DCAF8L2: variants seen among roughly 807,000 people sequenced by gnomAD.
DCAF8L2 encodes the protein DDB1- and CUL4-associated factor 8-like protein 2.
For synonymous variants in DCAF8L2, 200 were observed against 190.9 expected (o/e 1.05, Z -0.39); for missense variants, 430 against 490.7 (o/e 0.88, Z 1.17).
At chrX:27,681,806 A>G (rs190492555) in intron 3 of DCAF8L2, among the ~76,000 whole-genome samples, 64 of 112,182 alleles carry the variant, frequency 5.7e-4, no homozygotes, top group African/African-American at 1.8e-3. Flanking sequence ...ATGATTGCTC[A>G]GATACTACAT....
intron 2 of DCAF8L2, among the ~76,000 whole-genome samples, chrX:27,652,357 T>A (rs1477308769): frequency 9.0e-6 from 1 of 111,559 alleles, no homozygotes; most frequent in Non-Finnish European, 1.9e-5. Context: ...TTTGACCCTC[T>A]CAGCTTACAA....
chrX:27,469,810 C>T, the DCAF8L2 span, among the ~76,000 whole-genome samples: 1 of 106,805 alleles, frequency 9.4e-6, no homozygotes, highest in African/African-American at 3.4e-5. Flanking sequence ...AGTTTTCACT[C>T]GTTGCCCAGG....
the DCAF8L2 span, among the ~76,000 whole-genome samples, chrX:27,575,367 G>A: frequency 9.0e-6 from 1 of 111,391 alleles, no homozygotes; most frequent in African/African-American, 3.3e-5. Flanking sequence ...GGGTGTGGAG[G>A]GCCAGAGTTG....
intron 3 of DCAF8L2, among the ~76,000 whole-genome samples, chrX:27,684,146 G>A (rs1316847221): frequency 8.9e-6 from 1 of 112,053 alleles, no homozygotes; most frequent in African/African-American, 3.2e-5. Flanking sequence ...ATCCAAAGAA[G>A]ACAGTGCCAT....
chrX:27,591,014 T>TAA lies in DCAF8L2; in HGVS notation c.-342+576_-342+577dup, dbSNP rs1555916217. On this transcript the variant is annotated intron_variant, in intron 1 of 4. Coordinates refer to ENST00000451261, the MANE Select transcript of DCAF8L2 (RefSeq NM_001353450.2). ...TTTTATATATATATATATATATATA[T>TAA]AAATAAATAATTTGATAGGTTACAT... is the stretch of plus-strand genomic sequence containing the variant. Among the ~76,000 whole-genome samples, 123 of 96,787 alleles carry TAA rather than the reference T, an allele frequency of 1.3e-3. 1 individual carries two copies. The highest frequency in any genetic ancestry group is 5.1e-3 in the Middle Eastern group (1 of 197). 84.0% of individuals were successfully genotyped at this position (96,787 alleles called of 115,157 possible). A position where few individuals can be genotyped will look rare whatever the true frequency, so the allele number is the denominator to read the frequency against.
In DCAF8L2 at chrX:27,601,712, A is replaced by C. The variant is rs1476727655; in HGVS notation, c.-342+11272A>C. ...GAGACTCAGTCTCAAAAAAAAAAAA[A>C]AACAATTTGAGTCATTGTAAGACCC... is the stretch of plus-strand genomic sequence containing the variant. On this transcript the variant is annotated intron_variant, in intron 1 of 4. Transcript: ENST00000451261. Among the ~76,000 whole-genome samples the C allele has an allele frequency of 2.7e-5, 3 of 110,363 alleles. No individual in the cohort carries two copies. In the South Asian group the frequency reaches 1.2e-3, roughly 43 times the overall value.
chrX:27,485,239 T>C, the DCAF8L2 span, among the ~76,000 whole-genome samples: 13 of 112,091 alleles, frequency 1.2e-4, no homozygotes, highest in African/African-American at 3.6e-4. Context: ...ACTCTCGTGC[T>C]AATATTTGAG....
At chrX:27,594,247 GC>G (rs1926247867) in intron 1 of DCAF8L2, among the ~76,000 whole-genome samples, 1 of 111,253 alleles carries the variant, frequency 9.0e-6, no homozygotes, top group African/African-American at 3.3e-5. Context: ...TACAAAATTG[GC>G]ATAAAGGATA....
chrX:27,710,083 C>T (rs1361823756), intron 3 of DCAF8L2, among the ~76,000 whole-genome samples: 5 of 111,287 alleles, frequency 4.5e-5, no homozygotes, highest in Non-Finnish European at 9.4e-5. Context: ...GTTGTTCAAA[C>T]GTAGTTGAAG....
the DCAF8L2 span, among the ~76,000 whole-genome samples, chrX:27,512,403 G>C: frequency 9.9e-5 from 11 of 111,232 alleles, no homozygotes; most frequent in African/African-American, 3.6e-4. Context: ...TCGTTATCAA[G>C]ATACCAATGA....
At chrX:27,646,769 CA>C (rs761393936) in intron 2 of DCAF8L2, among the ~76,000 whole-genome samples, 4 of 110,043 alleles carry the variant, frequency 3.6e-5, no homozygotes, top group African/African-American at 6.6e-5. Context: ...GGCTACTTCT[CA>C]AAAAAAAGAC....
At chrX:27,528,618 CAAT>C in the DCAF8L2 span, among the ~76,000 whole-genome samples, 1 of 109,009 alleles carries the variant, frequency 9.2e-6, no homozygotes, top group African/African-American at 3.3e-5. Context: ...TATGTCTTAG[CAAT>C]AATAAGTTAG....
chrX:27,508,266 G>T, the DCAF8L2 span, among the ~76,000 whole-genome samples: 1 of 111,420 alleles, frequency 9.0e-6, no homozygotes, highest in African/African-American at 3.3e-5. Context: ...GGGAGAAGGA[G>T]CAGGGGCTTT....
the DCAF8L2 span, among the ~76,000 whole-genome samples, chrX:27,531,165 C>T: frequency 2.7e-5 from 3 of 111,849 alleles, no homozygotes; most frequent in African/African-American, 3.2e-5. Context: ...AAAGGAAAGA[C>T]GTTTAATTGG....
chrX:27,667,178 T>C (rs1929770172), intron 2 of DCAF8L2, among the ~76,000 whole-genome samples: 1 of 111,034 alleles, frequency 9.0e-6, no homozygotes, highest in Non-Finnish European at 1.9e-5. Flanking sequence ...AGGTAACCCA[T>C]AAAAAATGTT....
At chrX:27,634,761 A>G (rs1293765346) in intron 2 of DCAF8L2, among the ~76,000 whole-genome samples, 1 of 111,176 alleles carries the variant, frequency 9.0e-6, no homozygotes, top group Non-Finnish European at 1.9e-5. Flanking sequence ...GCACGAAATT[A>G]TTTCAAAATA....
chrX:27,624,356 A>G (rs985319434), intron 1 of DCAF8L2, among the ~76,000 whole-genome samples: 1 of 111,036 alleles, frequency 9.0e-6, no homozygotes, highest in Non-Finnish European at 1.9e-5. Flanking sequence ...TTCCATTACT[A>G]GGGCTGGAGA....
chrX:27,668,760 C>A, intron 2 of DCAF8L2, among the ~76,000 whole-genome samples: 1 of 111,272 alleles, frequency 9.0e-6, no homozygotes, highest in Non-Finnish European at 1.9e-5. Context: ...CGAGACCAGC[C>A]TGGCCAACAT....
chrX:27,621,037 C>T (rs1284477375), intron 1 of DCAF8L2, among the ~76,000 whole-genome samples: 1 of 112,048 alleles, frequency 8.9e-6, no homozygotes, highest in Non-Finnish European at 1.9e-5. Flanking sequence ...ATCTTGAAGA[C>T]ATAATACTAA....
Sources: gnomAD v4.1 joint callset for allele counts (sites outside exome capture counted in the v4.1 genomes callset) on GRCh38, gnomAD v4.1.1 for gene constraint, MANE v1.5 for transcripts, NCBI Gene and HGNC (gene_info 2026-07-23, HGNC 2026-07-21) for gene names.